The following FER1L6 variants were observed in gnomAD, a reference collection of about 807,000 sequenced individuals.
FER1L6 encodes fer-1 like family member 6.
A neutral mutation model predicts 219.2 loss-of-function variants in FER1L6; 177 were observed. The ratio of observed to expected loss-of-function variants is 0.81; its 90% CI spans 0.71 to 0.91. The LOEUF (loss-of-function observed/expected upper bound fraction) is 0.91. FER1L6 is among the 40% of genes least tolerant of loss of function. The pLI, the probability that FER1L6 is intolerant of heterozygous loss-of-function variation, is 0.00. For missense variants in FER1L6, 2,153 were observed against 2,259.9 expected (o/e 0.95, Z 0.96); for synonymous variants, 768 against 824.3 (o/e 0.93, Z 1.17).
intron 22 of FER1L6, 52 bp from the exon 23 acceptor site, chr8:124,060,120 GGCACTGTT>G: frequency 8.1e-7 from 1 of 1,241,590 alleles, no homozygotes; most frequent in Non-Finnish European, 1.2e-6. Flanking sequence ...GTGGTTGTGT[GGCACTGTT>G]GCCTTCCCTG....
intron 25 of FER1L6, among the ~76,000 whole-genome samples, chr8:124,062,352 T>C (rs1820624056): frequency 6.6e-6 from 1 of 152,182 alleles, no homozygotes; most frequent in Admixed American, 6.5e-5. Context: ...TGCACAAAGT[T>C]GAGTTCATTG....
chr8:123,913,825 T>A (rs1379188212), intron 1 of FER1L6, among the ~76,000 whole-genome samples: 2 of 151,994 alleles, frequency 1.3e-5, no homozygotes, highest in African/African-American at 4.8e-5. Flanking sequence ...AACTGTAATC[T>A]TCGTAATTTT....
chr8:124,056,466 ATCT>A (rs1820303724), intron 22 of FER1L6, among the ~76,000 whole-genome samples: 1 of 151,944 alleles, frequency 6.6e-6, no homozygotes, highest in Admixed American at 6.6e-5. Flanking sequence ...TTTGTTTTTA[ATCT>A]TCTTTGTCTA....
rs1473943167 is a variant in FER1L6 at position 123,966,243 on chromosome 8, A to G, written c.337A>G (p.Lys113Glu). Residue 113 changes from lysine to glutamate, a missense_variant, in exon 5 of 41, where the codon AAG (lysine) becomes GAG (glutamate). Transcript: ENST00000522917. Reference sequence around the variant, plus strand: ...GACCATTGAGATTGGGGATGAGAAGAAGCAAAGCACAGTGAAGGAAGGAAC... The same window carrying G: ...GACCATTGAGATTGGGGATGAGAAGGAGCAAAGCACAGTGAAGGAAGGAAC... ...VVTIEIGDEK[K>E]QSTVKEGTNS... The G allele has an allele frequency of 3.1e-6, 5 of 1,614,068 alleles. No homozygotes were observed. The highest frequency in any genetic ancestry group is 4.2e-6 in the Non-Finnish European group (5 of 1,180,030).
intron 9 of FER1L6, 148 bp from the exon 10 acceptor site, chr8:123,977,269 C>T (rs894967915): frequency 5.9e-5 from 42 of 715,586 alleles, no homozygotes; most frequent in East Asian, 1.8e-4. Flanking sequence ...TCATCAGTCA[C>T]GTTCGCTGAG....
intron 1 of FER1L6, among the ~76,000 whole-genome samples, chr8:123,938,109 T>A (rs1219844161): frequency 6.6e-6 from 1 of 152,200 alleles, no homozygotes; most frequent in Non-Finnish European, 1.5e-5. Flanking sequence ...AACACTTCCT[T>A]TTCATTACTG....
At chr8:123,971,069 C>T (rs16899144) in intron 6 of FER1L6, among the ~76,000 whole-genome samples, 3,919 of 152,302 alleles carry the variant, frequency 0.026, 160 homozygotes, top group East Asian at 0.093. Flanking sequence ...ATTTCTTCAA[C>T]AGTCAGCTGT....
rs538615597 is a variant in FER1L6 at position 123,885,735 on chromosome 8, G to C, written c.-8+33550G>C. 2.6e-3 allele frequency among the ~76,000 whole-genome samples: 394 copies of C among 152,264 alleles called. 4 individuals carry two copies. Among genetic ancestry groups the C allele is most frequent in the Non-Finnish European group, 4.2e-3 (289 of 68,012 alleles). ...CTGACTTTCCTGATGCACAGCCATG[G>C]AGAAAGCCTGGGCCAGGGGCGGGAG... On this transcript the variant is annotated intron_variant, in intron 1 of 40. Transcript: ENST00000522917.
chr8:124,054,395 G>C (rs1338922290), intron 22 of FER1L6, among the ~76,000 whole-genome samples: 1 of 152,144 alleles, frequency 6.6e-6, no homozygotes, highest in Non-Finnish European at 1.5e-5. Context: ...AGTTACCATG[G>C]TAAAGAAACT....
Position 124,094,952 on chromosome 8 carries a change from G to A in FER1L6, c.4609G>A (p.Asp1537Asn). ...CCTCAAGGTTTTACACTCTTGGGAG[G>A]ATATCCCGGAAGTCGGGTGTAGGCT... ...LALKVLHSWE[D>N]IPEVGCRLVP... Residue 1537 changes from aspartate (D) to asparagine (N), a missense_variant, in exon 35 of 41, where the codon GAT (aspartate) becomes AAT (asparagine). Transcript: ENST00000522917. The A allele has an allele frequency of 6.2e-7, 1 of 1,614,110 alleles. No homozygotes were observed. The highest frequency in any genetic ancestry group is 8.5e-7 in the Non-Finnish European group (1 of 1,179,962).
At position 123,977,619 on chromosome 8, in the gene FER1L6, C is replaced by T; in HGVS notation, c.1063+10C>T. 2 of 1,612,444 alleles carry T rather than the reference C, an allele frequency of 1.2e-6. No homozygotes were observed. On this transcript the variant is annotated intron_variant, in intron 10 of 40. Coordinates refer to ENST00000522917, the MANE Select transcript of FER1L6 (RefSeq NM_001039112.2). ...CAGGATGGAGACAAAGGTAAAGTCC[C>T]ATCCATCTGACTTGAAAAATGTCTC...
chr8:123,970,588 A>AGGAT (rs535878722), intron 6 of FER1L6, among the ~76,000 whole-genome samples: 203 of 152,314 alleles, frequency 1.3e-3, no homozygotes, highest in Non-Finnish European at 2.1e-3. Flanking sequence ...GTTGGATCAG[A>AGGAT]GGATGTGATT....
chr8:124,093,466 C>T (rs1041009047), intron 34 of FER1L6, among the ~76,000 whole-genome samples: 1 of 151,864 alleles, frequency 6.6e-6, no homozygotes, highest in Non-Finnish European at 1.5e-5. Context: ...ACTTTGATAC[C>T]AAGATTTCCT....
intron 22 of FER1L6, among the ~76,000 whole-genome samples, chr8:124,053,962 C>G (rs967932691): frequency 6.6e-6 from 1 of 152,160 alleles, no homozygotes; most frequent in East Asian, 1.9e-4. Context: ...CCCCGTCCTC[C>G]CTATCCTGAC....
At chr8:124,095,215 A>C (rs1822228717) in intron 35 of FER1L6, among the ~76,000 whole-genome samples, 177 bp downstream of exon 35, 1 of 152,222 alleles carries the variant, frequency 6.6e-6, no homozygotes, top group African/African-American at 2.4e-5. Context: ...GAGGCCAAGG[A>C]TGCTGCTAAA....
chr8:123,932,972 T>C (rs930725168), intron 1 of FER1L6, among the ~76,000 whole-genome samples: 1 of 152,218 alleles, frequency 6.6e-6, no homozygotes, highest in African/African-American at 2.4e-5. Flanking sequence ...CTGGCCCTGG[T>C]TCTGCCACTA....
intron 21 of FER1L6, among the ~76,000 whole-genome samples, chr8:124,047,920 G>C (rs570304399): frequency 6.6e-6 from 1 of 152,264 alleles, no homozygotes; most frequent in Admixed American, 6.5e-5. Flanking sequence ...AGAATCTGCT[G>C]GTTCTGGAAT....
chr8:123,956,577 TAAAG>T (rs975033550), intron 2 of FER1L6, among the ~76,000 whole-genome samples: 30 of 152,268 alleles, frequency 2.0e-4, no homozygotes, highest in African/African-American at 6.3e-4. Flanking sequence ...TTTACAGAGA[TAAAG>T]AGAGAGTAAA....
At chr8:123,952,537 C>T (rs1030226677) in intron 1 of FER1L6, among the ~76,000 whole-genome samples, 1 of 152,136 alleles carries the variant, frequency 6.6e-6, no homozygotes, top group Non-Finnish European at 1.5e-5. Flanking sequence ...ATATTATGAT[C>T]CTAAACCAGA....
Sources: allele counts gnomAD v4.1 joint callset (sites outside exome capture counted in the v4.1 genomes callset), GRCh38; gene constraint gnomAD v4.1.1; transcripts MANE v1.5; gene names NCBI Gene and HGNC (gene_info 2026-07-23, HGNC 2026-07-21).